The following UTS2B variants were observed in gnomAD, a reference collection of about 807,000 sequenced individuals.
UTS2B encodes the protein urotensin 2B, also known as urotensin-2B.
A neutral mutation model predicts 19.2 loss-of-function variants in UTS2B; 21 were observed. The ratio of observed to expected loss-of-function variants is 1.09; its 90% confidence interval spans 0.78 to 1.58. The LOEUF (loss-of-function observed/expected upper bound fraction) is 1.58, where lower values mean the gene tolerates loss of function less well. UTS2B is among the 40% of genes most tolerant of loss of function. The pLI is 0.00. For missense variants in UTS2B, 138 were observed against 130.3 expected, an observed-to-expected ratio of 1.06 and a Z score of -0.29; for synonymous variants, 57 against 50.2, an observed-to-expected ratio of 1.14 and a Z score of -0.58.
At chr3:191,306,719 C>T (rs1197572538) in intron 3 of UTS2B, among the ~76,000 whole-genome samples, 2 of 152,144 alleles carry the variant, frequency 1.3e-5, no homozygotes, top group Non-Finnish European at 2.9e-5. Flanking sequence ...CTACAAACTC[C>T]GCCTCCCGGG....
chr3:191,294,036 AG>A (rs1716791650), intron 4 of UTS2B, among the ~76,000 whole-genome samples: 1 of 151,668 alleles, frequency 6.6e-6, no homozygotes, highest in Admixed American at 6.6e-5. Context: ...TGAACCTGGG[AG>A]GGGGAGGTTG....
intron 4 of UTS2B, among the ~76,000 whole-genome samples, chr3:191,282,971 T>A (rs528397642): frequency 2.1e-4 from 32 of 152,306 alleles, no homozygotes; most frequent in African/African-American, 6.5e-4. Context: ...TCAGTATATC[T>A]CCAATTTCAA....
chr3:191,324,707 T>C (rs1012080076), intron 2 of UTS2B, among the ~76,000 whole-genome samples: 2 of 152,208 alleles, frequency 1.3e-5, no homozygotes, highest in Admixed American at 6.5e-5. Context: ...ATGTCTTTAT[T>C]AGCAGCGTGA....
At chr3:191,286,364 G>T (rs6802515) in intron 4 of UTS2B, among the ~76,000 whole-genome samples, 1 of 150,296 alleles carries the variant, frequency 6.7e-6, no homozygotes, top group African/African-American at 2.4e-5. Flanking sequence ...TCCAGGATAC[G>T]TCATGTATTA....
At chr3:191,297,399 C>T (rs1433461394) in intron 4 of UTS2B, among the ~76,000 whole-genome samples, 2 of 152,092 alleles carry the variant, frequency 1.3e-5, no homozygotes, top group Admixed American at 6.5e-5. Context: ...CACACAATTC[C>T]CCTTGTCTAG....
chr3:191,339,275 A>C, the UTS2B span, among the ~76,000 whole-genome samples: 4 of 152,202 alleles, frequency 2.6e-5, no homozygotes, highest in South Asian at 2.1e-4. Flanking sequence ...TTTCAGGTTC[A>C]TATGGTGTAT....
intron 5 of UTS2B, among the ~76,000 whole-genome samples, chr3:191,280,276 G>A (rs1477165882): frequency 6.6e-6 from 1 of 152,098 alleles, no homozygotes; most frequent in Non-Finnish European, 1.5e-5. Flanking sequence ...CCTCCTTTGT[G>A]TTAGGCAGTT....
the UTS2B span, among the ~76,000 whole-genome samples, chr3:191,341,237 G>T: frequency 2.0e-5 from 3 of 152,130 alleles, no homozygotes; most frequent in Non-Finnish European, 4.4e-5. Flanking sequence ...CTAATTATAA[G>T]AATTTATTAA....
chr3:191,337,331 T>C, the UTS2B span, among the ~76,000 whole-genome samples: 1 of 152,216 alleles, frequency 6.6e-6, no homozygotes. Flanking sequence ...ATTGAACTCT[T>C]ATGACAGCCT....
At chr3:191,273,390 C>T in intron 8 of UTS2B, 1 of 440,134 alleles carries the variant, frequency 2.3e-6, no homozygotes, top group Non-Finnish European at 4.6e-6. Flanking sequence ...ACCAACCTGC[C>T]TTGCCATATG....
chr3:191,271,150 G>C (rs1174976023), intron 8 of UTS2B, among the ~76,000 whole-genome samples: 1 of 137,438 alleles, frequency 7.3e-6, no homozygotes, highest in East Asian at 2.4e-4. Flanking sequence ...GTTGCAGTGA[G>C]CAGAGATCAC....
intron 2 of UTS2B, among the ~76,000 whole-genome samples, chr3:191,317,896 A>G (rs1261260874): frequency 1.3e-5 from 2 of 151,758 alleles, no homozygotes; most frequent in African/African-American, 4.8e-5. Flanking sequence ...TTTTATTTTT[A>G]TTTTTTTTAA....
chr3:191,289,393 A>T (rs1236827099), intron 4 of UTS2B, among the ~76,000 whole-genome samples: 2 of 148,894 alleles, frequency 1.3e-5, no homozygotes, highest in Non-Finnish European at 3.0e-5. Flanking sequence ...TGGGCAACAG[A>T]CCAAGACTCC....
chr3:191,323,631 G>A (rs1475607147), intron 2 of UTS2B, among the ~76,000 whole-genome samples: 1 of 152,166 alleles, frequency 6.6e-6, no homozygotes, highest in African/African-American at 2.4e-5. Context: ...CCATGTCTTG[G>A]CATCTTGCTA....
intron 5 of UTS2B, among the ~76,000 whole-genome samples, chr3:191,279,159 T>A (rs1439892954): frequency 6.6e-6 from 1 of 152,028 alleles, no homozygotes; most frequent in Non-Finnish European, 1.5e-5. Context: ...AGAAAATGAA[T>A]AATTTGGGGC....
At chr3:191,329,638 G>C (rs1412490477) in intron 1 of UTS2B, 13 of 1,594,788 alleles carry the variant, frequency 8.2e-6, no homozygotes, top group Non-Finnish European at 8.5e-6. Context: ...TGACCGGGAA[G>C]CCCGCGTTAA....
At chr3:191,311,140 C>T (rs2108603067) in intron 3 of UTS2B, among the ~76,000 whole-genome samples, 1 of 152,354 alleles carries the variant, frequency 6.6e-6, no homozygotes, top group South Asian at 2.1e-4. Context: ...CACCTGTCCT[C>T]TATAAATGCC....
the UTS2B span, among the ~76,000 whole-genome samples, chr3:191,344,760 G>A: frequency 4.3e-4 from 66 of 152,156 alleles, no homozygotes; most frequent in South Asian, 2.5e-3. Context: ...TTGTATTTTT[G>A]TGGAGACGAG....
rs57398216 is a variant in UTS2B at position 191,313,725 on chromosome 3, CTTTTTTTTT to C, written c.-182+2302_-182+2310del. Among the ~76,000 whole-genome samples the C allele has an allele frequency of 4.8e-4, 52 of 109,134 alleles. 1 individual carries two copies. Among genetic ancestry groups the C allele is most frequent in the African/African-American group, 1.7e-3 (49 of 29,332 alleles). The allele number at this position is 109,134 out of a possible 152,430, so 71.6% of individuals were successfully genotyped here. A position where few individuals can be genotyped will look rare whatever the true frequency, so the allele number is the denominator to read the frequency against. Reference sequence around the variant, plus strand: ...TAAGACAATGCATTCCTCCACTTTCCTTTTTTTTTTTTTTTTTTTTTTTGAGATGAGGTC... The same window carrying C: ...TAAGACAATGCATTCCTCCACTTTCCTTTTTTTTTTTTTTGAGATGAGGTC... On this transcript the variant is annotated intron_variant, in intron 3 of 8. Coordinates refer to ENST00000340524, the MANE Select transcript of UTS2B (RefSeq NM_198152.5).
Sources: gnomAD v4.1 joint callset for allele counts (sites outside exome capture counted in the v4.1 genomes callset) on GRCh38, gnomAD v4.1.1 for gene constraint, MANE v1.5 for transcripts, NCBI Gene and HGNC (gene_info 2026-07-23, HGNC 2026-07-21) for gene names.